Variants in TLN2 observed in about 807,000 individuals in gnomAD.
TLN2 encodes talin 2, also known as talin-2.
TLN2 carries 118 observed loss-of-function variants against 294.7 expected under a neutral mutation model. The ratio of observed to expected loss-of-function variants is 0.40; its 90% CI spans 0.34 to 0.47. The LOEUF (loss-of-function observed/expected upper bound fraction) is 0.47. Ranked by LOEUF, TLN2 falls within the 20% of genes least tolerant of loss-of-function variation. The pLI, the probability that TLN2 is intolerant of heterozygous loss-of-function variation, is 0.84. For synonymous variants in TLN2, 1,431 were observed against 1,304.5 expected (o/e 1.10, Z -2.09); for missense variants, 3,083 against 3,282.2 (o/e 0.94, Z 1.48).
At chr15:62,735,263 G>C (rs138368893) in intron 28 of TLN2, among the ~76,000 whole-genome samples, 63 of 152,294 alleles carry the variant, frequency 4.1e-4, no homozygotes, top group African/African-American at 1.4e-3. Context: ...ATGTGTCCTG[G>C]CATCTCCAGT....
intron 1 of TLN2, among the ~76,000 whole-genome samples, chr15:62,425,071 G>A (rs368157049): frequency 6.7e-6 from 1 of 148,680 alleles, no homozygotes; most frequent in Non-Finnish European, 1.5e-5. Context: ...TCCTGCCTCA[G>A]CCTCCTGAGT....
At chr15:62,708,443 C>T (rs1420677201) in intron 20 of TLN2, 59 bp from the exon 21 acceptor site, 2 of 1,568,894 alleles carry the variant, frequency 1.3e-6, no homozygotes, top group African/African-American at 2.7e-5. Flanking sequence ...TGCGGGGGCA[C>T]ATGGAGAGGG....
chr15:62,650,507 AACAAATGAG>A (rs2052470538), intron 5 of TLN2, among the ~76,000 whole-genome samples: 1 of 152,214 alleles, frequency 6.6e-6, no homozygotes, highest in Non-Finnish European at 1.5e-5. Context: ...GGGAAGTAAG[AACAAATGAG>A]AGGGAAAAAC....
chr15:62,669,100 A>T (rs1421421468), intron 9 of TLN2, among the ~76,000 whole-genome samples: 1 of 152,252 alleles, frequency 6.6e-6, no homozygotes, highest in Non-Finnish European at 1.5e-5. Flanking sequence ...GACAACCATG[A>T]AGCAATCTGA....
At chr15:62,717,499 CTG>C (rs1238550928) in intron 23 of TLN2, 75 bp from the exon 24 acceptor site, 25 of 1,016,242 alleles carry the variant, frequency 2.5e-5, no homozygotes, top group African/African-American at 8.0e-5. Flanking sequence ...TGTCCTGACT[CTG>C]TGGTGGAAGT....
chr15:62,838,646 T>C (rs1377783745), intron 57 of TLN2, among the ~76,000 whole-genome samples: 2 of 152,226 alleles, frequency 1.3e-5, no homozygotes, highest in African/African-American at 2.4e-5. Flanking sequence ...CTTTGTCTCA[T>C]TCATCTGTGA....
Position 62,707,136 on chromosome 15 carries a change from G to T in TLN2, c.2055G>T (p.Leu685Phe), listed in dbSNP as rs775474933. ...AKAVANAAAM[L>F]VLKAKNVAQV... is the part of the protein sequence containing the mutation. ...CTGTTGCCAATGCAGCTGCCATGTTGGTACTAAAGGCAAAGAATGTTGCCC... is the reference window on the plus strand; with the variant it reads ...CTGTTGCCAATGCAGCTGCCATGTTTGTACTAAAGGCAAAGAATGTTGCCC... The change falls in exon 20 of 59, where the codon TTG (leucine) becomes TTT (phenylalanine). Residue 685 changes from leucine to phenylalanine, a missense_variant. By Grantham distance (22) the Leu-to-Phe change is conservative. Coordinates refer to ENST00000636159, the MANE Select transcript of TLN2 (RefSeq NM_015059.3). 1 of 1,614,102 alleles carries T rather than the reference G, an allele frequency of 6.2e-7. No individual in the cohort carries two copies. The highest frequency in any genetic ancestry group is 8.5e-7 in the Non-Finnish European group (1 of 1,179,986).
intron 2 of TLN2, among the ~76,000 whole-genome samples, chr15:62,612,877 TA>T (rs1406672862): frequency 6.6e-6 from 1 of 152,248 alleles, no homozygotes; most frequent in Admixed American, 6.5e-5. Context: ...CTTTATGAAA[TA>T]ATCTCTTTCT....
intron 47 of TLN2, among the ~76,000 whole-genome samples, chr15:62,797,001 G>A (rs1270641743): frequency 2.0e-5 from 3 of 152,210 alleles, no homozygotes; most frequent in Non-Finnish European, 4.4e-5. Context: ...CATGTCAGTC[G>A]GCTATGTGAA....
At chr15:62,738,709 G>T (rs1290474075) in intron 30 of TLN2, among the ~76,000 whole-genome samples, 2 of 152,140 alleles carry the variant, frequency 1.3e-5, no homozygotes, top group East Asian at 3.9e-4. Flanking sequence ...TCACCTTGGG[G>T]CCTGTTCCCT....
At chr15:62,535,487 C>G (rs2041289735) in intron 1 of TLN2, among the ~76,000 whole-genome samples, 1 of 151,836 alleles carries the variant, frequency 6.6e-6, no homozygotes, top group Non-Finnish European at 1.5e-5. Context: ...CACACACACA[C>G]ACACCCCTCT....
chr15:62,800,231 G>C, intron 48 of TLN2, 137 bp from the exon 49 acceptor site: 1 of 1,367,728 alleles, frequency 7.3e-7, no homozygotes, highest in East Asian at 2.3e-5. Context: ...CTTCCCAGGA[G>C]GTCTGCCATG....
chr15:62,554,987 T>G (rs1170002352), intron 1 of TLN2, among the ~76,000 whole-genome samples: 1 of 80,854 alleles, frequency 1.2e-5, no homozygotes, highest in Non-Finnish European at 2.3e-5. Context: ...TAAATTCTAT[T>G]TAGAAAGAAA....
At chr15:62,469,407 C>A (rs1222604093) in intron 1 of TLN2, among the ~76,000 whole-genome samples, 1 of 152,134 alleles carries the variant, frequency 6.6e-6, no homozygotes, top group Non-Finnish European at 1.5e-5. Context: ...AAATTCAGTC[C>A]CTTTCACAAT....
intron 2 of TLN2, among the ~76,000 whole-genome samples, chr15:62,591,990 C>T (rs952208003): frequency 7.9e-5 from 12 of 152,086 alleles, no homozygotes; most frequent in Non-Finnish European, 2.9e-5. Context: ...TATGCCGTTA[C>T]CAAGACTTCA....
chr15:62,841,965 G>C lies in TLN2; in HGVS notation c.*1355G>C, dbSNP rs573808582. On this transcript the variant is annotated 3_prime_UTR_variant, in exon 59 of 59. Transcript: ENST00000636159. ...TAACAGTTAAAGGCACTCACCCTCC[G>C]CCTCTCTCTCTCTCTCTCTCTCTGG... 2 of 116,772 alleles carry C rather than the reference G, an allele frequency of 1.7e-5. No individual in the cohort carries two copies. The highest frequency in any genetic ancestry group is 3.4e-5 in the Non-Finnish European group (2 of 58,656). 7.2% of individuals were successfully genotyped at this position (116,772 alleles called of 1,614,324 possible). A position where few individuals can be genotyped will look rare whatever the true frequency, so the allele number is the denominator to read the frequency against.
Position 62,835,932 on chromosome 15 carries a change from G to T in TLN2, c.7233G>T (p.Ala2411=), listed in dbSNP as rs148610300. The stretch of plus-strand genomic sequence containing the variant: ...CTGCGACCAGCAGTCTCTGTGAGGC[G>T]GCCAATGCCTCCGTTCAGGGACACG... ...VAAATSSLCE[A]ANASVQGHAS... The change falls in exon 57 of 59, where the codon GCG becomes GCT. Residue 2411 remains alanine (A), a synonymous_variant. Coordinates refer to ENST00000636159, the MANE Select transcript of TLN2 (RefSeq NM_015059.3). 4.9e-5 allele frequency: 79 copies of T among 1,614,068 alleles called. No individual in the cohort carries two copies. Among genetic ancestry groups the T allele is most frequent in the Non-Finnish European group, 6.4e-5 (76 of 1,180,036 alleles).
intron 1 of TLN2, among the ~76,000 whole-genome samples, chr15:62,576,021 G>A (rs978606575): frequency 5.3e-5 from 8 of 152,172 alleles, no homozygotes; most frequent in Admixed American, 2.0e-4. Context: ...TAGCAATAGA[G>A]TGTTTTGACT....
intron 2 of TLN2, among the ~76,000 whole-genome samples, chr15:62,602,784 C>T (rs1044884859): frequency 6.6e-6 from 1 of 151,880 alleles, no homozygotes; most frequent in Admixed American, 6.6e-5. Flanking sequence ...AAAGGCCCCA[C>T]CTCCAAATAT....
Sources: gnomAD v4.1 joint callset for allele counts (sites outside exome capture counted in the v4.1 genomes callset) on GRCh38, gnomAD v4.1.1 for gene constraint, MANE v1.5 for transcripts, NCBI Gene and HGNC (gene_info 2026-07-23, HGNC 2026-07-21) for gene names.